The following ERICH5 variants were observed in gnomAD, a reference collection of about 807,000 sequenced individuals.
ERICH5 encodes glutamate-rich protein 5.
ERICH5 carries 24 observed loss-of-function variants against 28.0 expected under a neutral mutation model. The observed-to-expected ratio is 0.86, with a 90% CI of 0.62 to 1.21. The LOEUF is 1.21. Among genes scored for constraint, ERICH5 ranks in the 50% most tolerant of loss-of-function variants. The pLI is 0.00. For missense variants in ERICH5, 421 were observed against 441.2 expected (o/e 0.95, Z 0.41); for synonymous variants, 163 against 157.6 (o/e 1.03, Z -0.25).
chr8:98,084,967 A>G (rs758928252), intron 1 of ERICH5, among the ~76,000 whole-genome samples: 8 of 152,116 alleles, frequency 5.3e-5, no homozygotes, highest in South Asian at 4.2e-4. Flanking sequence ...ACTGTAGATA[A>G]GTTAGTATTT....
chr8:98,064,744 C>CG lies in ERICH5; in HGVS notation c.58+18dup. 1 of 1,522,900 alleles carries CG rather than the reference C, an allele frequency of 6.6e-7. No homozygotes were observed. The highest frequency in any genetic ancestry group is 2.5e-5 in the East Asian group (1 of 40,536). 94.3% of individuals were successfully genotyped at this position (1,522,900 alleles called of 1,614,324 possible). A position where few individuals can be genotyped will look rare whatever the true frequency, so the allele number is the denominator to read the frequency against. On this transcript the variant is annotated intron_variant, in intron 1 of 2. Transcript: ENST00000318528. Reference sequence around the variant, plus strand: ...TCCCCAGCGGTGAGCAGGGTACCGGCGCCGCCCGCGCCCGGGCTGGGGACT... The same window carrying CG: ...TCCCCAGCGGTGAGCAGGGTACCGGCGGCCGCCCGCGCCCGGGCTGGGGACT...
chr8:98,089,636 G>A lies in ERICH5; in HGVS notation c.619G>A (p.Gly207Ser). The part of the protein sequence containing the change: ...LQIAGELQPQ[G>S]TVGKDEQAPL... Reference sequence around the variant, plus strand: ...AATAGCTGGAGAGCTACAACCTCAGGGCACAGTGGGAAAGGATGAGCAGGC... The same window carrying A: ...AATAGCTGGAGAGCTACAACCTCAGAGCACAGTGGGAAAGGATGAGCAGGC... The change falls in exon 2 of 3, where the codon GGC (glycine) becomes AGC (serine). Residue 207 changes from glycine (G) to serine (S), a missense_variant. By Grantham distance (56) the Gly-to-Ser change is moderately conservative. Coordinates refer to ENST00000318528, the MANE Select transcript of ERICH5 (RefSeq NM_173549.3). 6.2e-7 allele frequency: 1 copy of A among 1,614,072 alleles called. No individual in the cohort carries two copies. The highest frequency in any genetic ancestry group is 8.5e-7 in the Non-Finnish European group (1 of 1,179,984).
rs1031373295 is a variant in ERICH5 at position 98,091,188 on chromosome 8, G to A, written c.1012+1159G>A. 3.3e-5 allele frequency among the ~76,000 whole-genome samples: 5 copies of A among 152,036 alleles called. No homozygotes were observed. In the East Asian group the frequency reaches 5.8e-4, roughly 18 times the overall value. ...CCTGACCTCATGATCCACCCGCCTCGGCCTCCCAAAGTGCCGGGATTACAG... is the reference window on the plus strand; with the variant it reads ...CCTGACCTCATGATCCACCCGCCTCAGCCTCCCAAAGTGCCGGGATTACAG... On this transcript the variant is annotated intron_variant, in intron 2 of 2. Transcript: ENST00000318528.
chr8:98,084,905 C>G (rs1247634592), intron 1 of ERICH5, among the ~76,000 whole-genome samples: 1 of 151,966 alleles, frequency 6.6e-6, no homozygotes, highest in East Asian at 1.9e-4. Context: ...TGAAATCTCC[C>G]TCCTGTCTAC....
chr8:98,080,616 T>C (rs1396178292), intron 1 of ERICH5, among the ~76,000 whole-genome samples: 1 of 151,530 alleles, frequency 6.6e-6, no homozygotes, highest in African/African-American at 2.4e-5. Flanking sequence ...TCCTTCTCCT[T>C]CTTCTTCTCC....
chr8:98,072,419 G>A (rs529427272), intron 1 of ERICH5, among the ~76,000 whole-genome samples: 1 of 152,274 alleles, frequency 6.6e-6, no homozygotes, highest in Non-Finnish European at 1.5e-5. Context: ...AGGATCACCT[G>A]AGGTCAGGAG....
At chr8:98,070,624 C>A (rs1814895838) in intron 1 of ERICH5, among the ~76,000 whole-genome samples, 2 of 104,536 alleles carry the variant, frequency 1.9e-5, no homozygotes, top group Non-Finnish European at 3.8e-5. Flanking sequence ...CGCGCCATTG[C>A]ACTCCAGCCT....
At chr8:98,068,693 T>TA (rs1208852279) in intron 1 of ERICH5, among the ~76,000 whole-genome samples, 1 of 152,188 alleles carries the variant, frequency 6.6e-6, no homozygotes, top group Non-Finnish European at 1.5e-5. Flanking sequence ...CTAACATGGA[T>TA]AATCACTGCT....
intron 1 of ERICH5, among the ~76,000 whole-genome samples, chr8:98,086,347 G>A (rs920147581): frequency 6.6e-6 from 1 of 152,154 alleles, no homozygotes; most frequent in Non-Finnish European, 1.5e-5. Flanking sequence ...TCTGGAGCTG[G>A]TGGCTTGGTA....
chr8:98,089,054 T>C, intron 1 of ERICH5, 22 bp from the exon 2 acceptor site: 1 of 1,542,242 alleles, frequency 6.5e-7, no homozygotes, highest in Non-Finnish European at 8.8e-7. Flanking sequence ...TTTCTTTTTC[T>C]TTTTCAAATG....
intron 1 of ERICH5, among the ~76,000 whole-genome samples, chr8:98,080,799 T>C (rs1370922516): frequency 1.4e-5 from 2 of 147,262 alleles, no homozygotes; most frequent in African/African-American, 5.0e-5. Context: ...GCCTCCCAGG[T>C]TTAGGCAATT....
chr8:98,079,561 T>C (rs764588924), intron 1 of ERICH5, among the ~76,000 whole-genome samples: 1 of 151,772 alleles, frequency 6.6e-6, no homozygotes, highest in Non-Finnish European at 1.5e-5. Flanking sequence ...TATTTTGAGA[T>C]GAAGTCTCGC....
intron 2 of ERICH5, among the ~76,000 whole-genome samples, chr8:98,091,892 CTTTCTTTCCTTT>C (rs1423960032): frequency 1.9e-5 from 1 of 52,848 alleles, no homozygotes; most frequent in African/African-American, 6.6e-5. Flanking sequence ...TTCTTTCTTT[CTTTCTTTCCTTT>C]CTTTCTTTCT....
rs1374704418 is a variant in ERICH5 at position 98,089,213 on chromosome 8, A to G, written c.196A>G (p.Lys66Glu). Residue 66 changes from lysine (K) to glutamate (E), a missense_variant, in exon 2 of 3, where the codon AAG (lysine) becomes GAG (glutamate). Coordinates refer to ENST00000318528, the MANE Select transcript of ERICH5 (RefSeq NM_173549.3). ...RESRPPLQKLKVSAEPTANGV... is the reference protein window; with the variant it reads ...RESRPPLQKLEVSAEPTANGV... ...AAGCCGTCCTCCCTTACAAAAGCTC[A>G]AGGTTTCAGCAGAGCCTACAGCTAA... is the stretch of plus-strand genomic sequence containing the variant. The G allele has an allele frequency of 6.2e-7, 1 of 1,614,210 alleles. No homozygotes were observed. The highest frequency in any genetic ancestry group is 2.2e-5 in the East Asian group (1 of 44,880).
At position 98,087,160 on chromosome 8, in the gene ERICH5, C is replaced by T. The variant is rs536837932; in HGVS notation, c.59-1916C>T. Among the ~76,000 whole-genome samples, 158 of 151,954 alleles carry T rather than the reference C, an allele frequency of 1.0e-3. 1 individual carries two copies. The South Asian group carries it at 0.032, about 31-fold the overall frequency. Reference sequence around the variant, plus strand: ...GAGTTTGAGATCAGCCTGGGCAACTCGAACCACGTGGGACCACATCTCTAT... The same window carrying T: ...GAGTTTGAGATCAGCCTGGGCAACTTGAACCACGTGGGACCACATCTCTAT... On this transcript the variant is annotated intron_variant, in intron 1 of 2. Transcript: ENST00000318528.
At chr8:98,085,290 A>AGCT (rs905622684) in intron 1 of ERICH5, among the ~76,000 whole-genome samples, 45 of 151,186 alleles carry the variant, frequency 3.0e-4, no homozygotes, top group African/African-American at 1.1e-3. Context: ...CCTCCCGAGT[A>AGCT]GCTGGGACTG....
chr8:98,071,443 T>A (rs1027059193), intron 1 of ERICH5, among the ~76,000 whole-genome samples: 6 of 152,356 alleles, frequency 3.9e-5, no homozygotes, highest in Non-Finnish European at 7.3e-5. Flanking sequence ...TTGATGAGGC[T>A]TCTAATCCTA....
Position 98,093,474 on chromosome 8 carries a change from G to T in ERICH5, c.*141G>T, listed in dbSNP as rs1246383764. Reference sequence around the variant, plus strand: ...TATAGAGAGACTGTTGGAACCATGAGAAGGATGTTTCTGTGTTCTTGATTA... The same window carrying T: ...TATAGAGAGACTGTTGGAACCATGATAAGGATGTTTCTGTGTTCTTGATTA... On this transcript the variant is annotated 3_prime_UTR_variant, in exon 3 of 3. Coordinates refer to ENST00000318528, the MANE Select transcript of ERICH5 (RefSeq NM_173549.3). 7.5e-6 allele frequency: 4 copies of T among 530,908 alleles called. No homozygotes were observed. Among genetic ancestry groups the T allele is most frequent in the Non-Finnish European group, 1.3e-5 (4 of 302,982 alleles). 32.9% of individuals were successfully genotyped at this position (530,908 alleles called of 1,614,324 possible).
In ERICH5 at chr8:98,080,144, G is replaced by A. The variant is rs577588819; in HGVS notation, c.59-8932G>A. On this transcript the variant is annotated intron_variant, in intron 1 of 2. Coordinates refer to ENST00000318528, the MANE Select transcript of ERICH5 (RefSeq NM_173549.3). ...CAGTGAGAAGCTTGTACAGCTGTGC[G>A]CTGTGTCCCTGTTTAGTGTGGCTAC... Among the ~76,000 whole-genome samples, 19 of 152,312 alleles carry A rather than the reference G, an allele frequency of 1.2e-4. 1 individual carries two copies. The highest frequency in any genetic ancestry group is 8.3e-4 in the South Asian group (4 of 4,830).
Sources: gnomAD v4.1 joint callset for allele counts (sites outside exome capture counted in the v4.1 genomes callset) on GRCh38, gnomAD v4.1.1 for gene constraint, MANE v1.5 for transcripts, NCBI Gene and HGNC (gene_info 2026-07-23, HGNC 2026-07-21) for gene names.